The following DTWD2 variants were observed in gnomAD, a reference collection of about 807,000 sequenced individuals.
The protein encoded by DTWD2 is DTW motif tRNA-uridine aminocarboxypropyltransferase 2.
In DTWD2, 39 loss-of-function variants were observed where a neutral mutation model predicts 31.8. The observed-to-expected ratio is 1.22, with a 90% CI of 0.95 to 1.60. The LOEUF (loss-of-function observed/expected upper bound fraction) is 1.60, where lower values mean the gene tolerates loss of function less well. DTWD2 is among the 40% of genes most tolerant of loss of function. The probability of loss-of-function intolerance (pLI) is 0.00; values close to 1 mark genes in which losing one functional copy is unlikely to be tolerated. For missense variants in DTWD2, 515 were observed against 381.5 expected (o/e 1.35, Z -2.92); for synonymous variants, 180 against 142.8 (o/e 1.26, Z -1.86).
chr5:118,978,382 C>T (rs933790954), intron 1 of DTWD2, among the ~76,000 whole-genome samples: 1 of 152,156 alleles, frequency 6.6e-6, no homozygotes, highest in African/African-American at 2.4e-5. Flanking sequence ...TAAATGGGAT[C>T]TAATTAAACT....
At chr5:118,955,250 CTG>C (rs1301476999) in intron 1 of DTWD2, among the ~76,000 whole-genome samples, 1 of 152,144 alleles carries the variant, frequency 6.6e-6, no homozygotes, top group Non-Finnish European at 1.5e-5. Flanking sequence ...ACTAATAAAA[CTG>C]TAGCTCTTTA....
chr5:118,960,588 A>G (rs1354433552), intron 1 of DTWD2, among the ~76,000 whole-genome samples: 1 of 152,222 alleles, frequency 6.6e-6, no homozygotes, highest in Non-Finnish European at 1.5e-5. Flanking sequence ...TATATACCCA[A>G]AGGAATATAA....
chr5:118,966,324 G>A (rs1264644758), intron 1 of DTWD2, among the ~76,000 whole-genome samples: 1 of 152,206 alleles, frequency 6.6e-6, no homozygotes, highest in Non-Finnish European at 1.5e-5. Context: ...TGGGTGCGCA[G>A]TGGTTGTCAT....
chr5:118,934,272 TAAAAAA>T (rs397999089), intron 3 of DTWD2, among the ~76,000 whole-genome samples: 2 of 23,556 alleles, frequency 8.5e-5, no homozygotes, highest in Non-Finnish European at 1.5e-4. Flanking sequence ...TTGTCTCCAT[TAAAAAA>T]AAAAAAAAAA....
intron 4 of DTWD2, among the ~76,000 whole-genome samples, chr5:118,872,136 G>A (rs1314437584): frequency 6.6e-6 from 1 of 152,180 alleles, no homozygotes; most frequent in Admixed American, 6.5e-5. Context: ...ATTGAAGAGA[G>A]TTAGAGCCTT....
rs56393420 is a variant in DTWD2, at chr5:118,985,490, TTATA to T, written c.218+2800_218+2803del. ...AAAGACCACATGCTTATGTGCATTT[TTATA>T]TATATATATATATATATATATATAC... On this transcript the variant is annotated intron_variant, in intron 1 of 5. Coordinates refer to ENST00000510708, the MANE Select transcript of DTWD2 (RefSeq NM_173666.4). Among the ~76,000 whole-genome samples the T allele has an allele frequency of 2.4e-3, 228 of 95,418 alleles. 1 individual carries two copies. Among genetic ancestry groups the T allele is most frequent in the Middle Eastern group, 5.7e-3 (1 of 174 alleles). 62.6% of individuals were successfully genotyped at this position (95,418 alleles called of 152,430 possible).
At chr5:118,880,000 T>C (rs1216898751) in intron 4 of DTWD2, among the ~76,000 whole-genome samples, 2 of 152,194 alleles carry the variant, frequency 1.3e-5, no homozygotes, top group African/African-American at 2.4e-5. Flanking sequence ...CAAAGCGCGA[T>C]AGAGTGAATA....
At chr5:118,907,931 G>A (rs865397) in intron 4 of DTWD2, among the ~76,000 whole-genome samples, 1 of 151,968 alleles carries the variant, frequency 6.6e-6, no homozygotes, top group Admixed American at 6.6e-5. Flanking sequence ...TTAATCTCCT[G>A]CAAAATACTT....
intron 1 of DTWD2, among the ~76,000 whole-genome samples, chr5:118,953,003 C>A (rs1184080561): frequency 6.6e-6 from 1 of 152,186 alleles, no homozygotes; most frequent in Non-Finnish European, 1.5e-5. Flanking sequence ...GATGAACCCT[C>A]TAAGAGCAGA....
chr5:118,984,113 C>T (rs528133102), intron 1 of DTWD2, among the ~76,000 whole-genome samples: 2 of 152,216 alleles, frequency 1.3e-5, no homozygotes, highest in African/African-American at 4.8e-5. Context: ...ATGGAGAAGC[C>T]CCATCTCTAC....
intron 4 of DTWD2, among the ~76,000 whole-genome samples, chr5:118,902,950 A>G (rs1234655932): frequency 6.6e-6 from 1 of 152,124 alleles, no homozygotes; most frequent in Admixed American, 6.5e-5. Flanking sequence ...ATCTGACATT[A>G]TATTACATCC....
chr5:118,887,920 C>A (rs1370472788), intron 4 of DTWD2, among the ~76,000 whole-genome samples: 1 of 152,174 alleles, frequency 6.6e-6, no homozygotes, highest in Non-Finnish European at 1.5e-5. Flanking sequence ...GGATTACAGG[C>A]ATGAGTTACC....
chr5:118,939,329 T>C (rs887137525), intron 2 of DTWD2, 39 bp from the exon 3 acceptor site: 1 of 1,494,616 alleles, frequency 6.7e-7, no homozygotes, highest in Non-Finnish European at 9.1e-7. Context: ...GATTTTTACT[T>C]AGATATACAC....
intron 3 of DTWD2, among the ~76,000 whole-genome samples, chr5:118,929,476 G>A (rs1753876450): frequency 6.7e-6 from 1 of 149,176 alleles, no homozygotes; most frequent in Non-Finnish European, 1.5e-5. Context: ...GCTGATTTCT[G>A]TACGTCACTT....
intron 4 of DTWD2, among the ~76,000 whole-genome samples, chr5:118,876,674 C>G (rs956722075): frequency 6.6e-6 from 1 of 152,144 alleles, no homozygotes; most frequent in Non-Finnish European, 1.5e-5. Context: ...CCTCCCAAGA[C>G]TGAAACAGGA....
intron 2 of DTWD2, among the ~76,000 whole-genome samples, chr5:118,939,992 T>C (rs904838583): frequency 3.3e-5 from 5 of 152,162 alleles, no homozygotes; most frequent in African/African-American, 1.2e-4. Flanking sequence ...TAAATGTAAA[T>C]ACTCCCCCCT....
chr5:118,858,264 A>C (rs1296420162), intron 4 of DTWD2, among the ~76,000 whole-genome samples: 1 of 152,186 alleles, frequency 6.6e-6, no homozygotes, highest in African/African-American at 2.4e-5. Flanking sequence ...AAGGGGGTTG[A>C]TTTAGAGAAA....
intron 4 of DTWD2, among the ~76,000 whole-genome samples, chr5:118,899,166 G>A (rs990919048): frequency 8.5e-5 from 13 of 152,146 alleles, no homozygotes; most frequent in African/African-American, 1.2e-4. Flanking sequence ...TACGTGGCCC[G>A]CAACTTGTAG....
At chr5:118,907,352 G>A (rs1026527536) in intron 4 of DTWD2, among the ~76,000 whole-genome samples, 3 of 152,112 alleles carry the variant, frequency 2.0e-5, no homozygotes, top group African/African-American at 7.2e-5. Flanking sequence ...TATATAGAGA[G>A]AGAGAGAAAG....
Sources: gnomAD v4.1 joint callset for allele counts (sites outside exome capture counted in the v4.1 genomes callset) on GRCh38, gnomAD v4.1.1 for gene constraint, MANE v1.5 for transcripts, NCBI Gene and HGNC (gene_info 2026-07-23, HGNC 2026-07-21) for gene names.